KMT5A: variants seen among roughly 807,000 people sequenced by gnomAD.
The protein encoded by KMT5A is N-lysine methyltransferase KMT5A.
A neutral mutation model predicts 40.6 loss-of-function variants in KMT5A; 6 were observed. The observed-to-expected ratio is 0.15, with a 90% confidence interval of 0.08 to 0.29. KMT5A has a LOEUF of 0.29. KMT5A is among the 10% of genes least tolerant of loss of function. The probability of loss-of-function intolerance (pLI) is 1.00; values close to 1 mark genes in which losing one functional copy is unlikely to be tolerated. For synonymous variants in KMT5A, 153 were observed against 178.8 expected (o/e 0.86, Z 1.15); for missense variants, 308 against 459.1 (o/e 0.67, Z 3.01).
chr12:123,390,351 T>C (rs754368608), intron 2 of KMT5A, among the ~76,000 whole-genome samples: 3 of 152,176 alleles, frequency 2.0e-5, no homozygotes, highest in South Asian at 2.1e-4. Context: ...GGGTAGGCTG[T>C]CTTCTTCCTA....
At chr12:123,392,873 A>C (rs187855947) in intron 3 of KMT5A, among the ~76,000 whole-genome samples, 1 of 152,026 alleles carries the variant, frequency 6.6e-6, no homozygotes, top group African/African-American at 2.4e-5. Flanking sequence ...GATGGTTTTA[A>C]TGGTTTTTGT....
At chr12:123,397,318 C>T (rs916187797) in intron 5 of KMT5A, among the ~76,000 whole-genome samples, 9 of 152,254 alleles carry the variant, frequency 5.9e-5, no homozygotes, top group African/African-American at 2.2e-4. Flanking sequence ...GGCTGCCCCT[C>T]TGCTCTCCCT....
intron 7 of KMT5A, 49 bp downstream of exon 7, chr12:123,405,123 G>A (rs770321610): frequency 5.3e-6 from 8 of 1,523,088 alleles, no homozygotes; most frequent in South Asian, 1.2e-5. Flanking sequence ...TGGGCAGTGA[G>A]GAGAGGCCAA....
intron 7 of KMT5A, among the ~76,000 whole-genome samples, chr12:123,407,134 T>C (rs967340878): frequency 6.6e-6 from 1 of 151,652 alleles, no homozygotes; most frequent in African/African-American, 2.4e-5. Flanking sequence ...GCCCAGGGGT[T>C]GGAGACCAGC....
rs139519304 is a variant in KMT5A, at chr12:123,409,140, C to T, written c.*1437C>T. ...CCCAACCCCACCTCGGGCCTCACGA[C>T]GGTGCTACCTAAGAAAGTCTTCCCT... On this transcript the variant is annotated 3_prime_UTR_variant, in exon 8 of 8. Transcript: ENST00000402868. 8 of 152,532 alleles carry T rather than the reference C, an allele frequency of 5.2e-5. No individual in the cohort carries two copies. The highest frequency in any genetic ancestry group is 9.6e-5 in the African/African-American group (4 of 41,494). The allele number at this position is 152,532 out of a possible 1,614,324, so 9.4% of individuals were successfully genotyped here.
chr12:123,389,312 G>A (rs1877090732), intron 1 of KMT5A, 121 bp from the exon 2 acceptor site: 1 of 592,334 alleles, frequency 1.7e-6, no homozygotes, highest in Non-Finnish European at 2.1e-6. Flanking sequence ...CAGAGCCGGG[G>A]CCTCGAAATA....
intron 3 of KMT5A, among the ~76,000 whole-genome samples, chr12:123,392,762 G>A (rs1016501484): frequency 6.6e-6 from 1 of 152,190 alleles, no homozygotes; most frequent in African/African-American, 2.4e-5. Context: ...CTGAGTGATA[G>A]ATAATGTTCA....
chr12:123,387,132 C>T (rs1166087117), intron 1 of KMT5A, among the ~76,000 whole-genome samples: 1 of 152,230 alleles, frequency 6.6e-6, no homozygotes, highest in African/African-American at 2.4e-5. Context: ...GCTGGGATTA[C>T]AGGTGTGAGC....
In KMT5A at chr12:123,384,325, C is replaced by T. The variant is rs1487498563; in HGVS notation, c.10+117C>T. ...TCCTCCTCGGGTGGCTCGGGGCAAG[C>T]TTGGGGACCCGCGTGGGGGGAGAGG... is the stretch of plus-strand genomic sequence containing the variant. On this transcript the variant is annotated intron_variant, in intron 1 of 7. Coordinates refer to ENST00000402868, the MANE Select transcript of KMT5A (RefSeq NM_020382.7). This position sits in a 1 kb window ranked among gnomAD's most constrained non-coding sequence, Gnocchi z 5.7. The T allele has an allele frequency of 1.4e-6, 2 of 1,411,830 alleles. No homozygotes were observed. The highest frequency in any genetic ancestry group is 1.9e-6 in the Non-Finnish European group (2 of 1,033,302). 87.5% of individuals were successfully genotyped at this position (1,411,830 alleles called of 1,614,324 possible).
At chr12:123,396,837 T>G (rs1015804361) in intron 5 of KMT5A, among the ~76,000 whole-genome samples, 1 of 152,182 alleles carries the variant, frequency 6.6e-6, no homozygotes, top group African/African-American at 2.4e-5. Context: ...GCCCAGGGTG[T>G]TAAACAGCAG....
chr12:123,386,537 C>G (rs1311918444), intron 1 of KMT5A, among the ~76,000 whole-genome samples: 1 of 152,022 alleles, frequency 6.6e-6, no homozygotes, highest in Non-Finnish European at 1.5e-5. Context: ...TTGTAAATAC[C>G]AAATCATTTA....
intron 3 of KMT5A, among the ~76,000 whole-genome samples, chr12:123,391,935 G>A (rs1877347468): frequency 6.6e-6 from 1 of 152,178 alleles, no homozygotes. Flanking sequence ...GGTACACAGG[G>A]CAATATTGTT....
chr12:123,389,653 G>T, intron 2 of KMT5A, 99 bp downstream of exon 2: 1 of 911,286 alleles, frequency 1.1e-6, no homozygotes, highest in Non-Finnish European at 1.3e-6. Context: ...CGCCCGGCCG[G>T]GCCGCTTCCT....
At chr12:123,388,867 C>A (rs1467658198) in intron 1 of KMT5A, 6 of 148,516 alleles carry the variant, frequency 4.0e-5, no homozygotes, top group Non-Finnish European at 7.5e-5. Flanking sequence ...TCGCCGCGCC[C>A]GCCCGCCCGC....
At position 123,395,136 on chromosome 12, in the gene KMT5A, T is replaced by A. The variant is rs2139176960; in HGVS notation, c.379T>A (p.Phe127Ile). 1.2e-6 allele frequency: 2 copies of A among 1,608,914 alleles called. No homozygotes were observed. Among genetic ancestry groups the A allele is most frequent in the Non-Finnish European group, 8.5e-7 (1 of 1,177,526 alleles). ...KDARKGPLVPFPNQKSEAAEP... is the reference protein window; with the variant it reads ...KDARKGPLVPIPNQKSEAAEP... The stretch of plus-strand genomic sequence containing the variant: ...CGCCAGGAAAGGTCCCCTGGTACCT[T>A]TTCCAAACCAAAAATCTGAAGCAGC... The change falls in exon 4 of 8, where the codon TTT becomes ATT. Residue 127 changes from phenylalanine to isoleucine, a missense_variant. Physicochemically the swap from Phe to Ile is conservative, Grantham distance 21. Transcript: ENST00000402868.
At chr12:123,385,998 C>G (rs1876851981) in intron 1 of KMT5A, among the ~76,000 whole-genome samples, 1 of 152,128 alleles carries the variant, frequency 6.6e-6, no homozygotes, top group Admixed American at 6.6e-5. Context: ...CAGACTCTAG[C>G]TTGGCTGGGT....
At chr12:123,406,793 G>A (rs28542644) in intron 7 of KMT5A, among the ~76,000 whole-genome samples, 3 of 152,030 alleles carry the variant, frequency 2.0e-5, no homozygotes, top group Admixed American at 6.6e-5. Context: ...TTGGGTGGCC[G>A]AGGTGGATGG....
At chr12:123,403,761 AT>A in intron 6 of KMT5A, 129 bp downstream of exon 6, 2 of 963,718 alleles carry the variant, frequency 2.1e-6, no homozygotes, top group Non-Finnish European at 3.2e-6. Context: ...GGCAGACTCT[AT>A]TAGGTTGTCA....
chr12:123,386,374 C>G (rs1876874734), intron 1 of KMT5A, among the ~76,000 whole-genome samples: 1 of 152,032 alleles, frequency 6.6e-6, no homozygotes, highest in Non-Finnish European at 1.5e-5. Context: ...TGTCACCACA[C>G]CCAGCTAATT....
Sources: gnomAD v4.1 joint callset for allele counts (sites outside exome capture counted in the v4.1 genomes callset) on GRCh38, gnomAD v4.1.1 for gene constraint, Gnocchi (gnomAD v3.1) non-coding constraint, MANE v1.5 for transcripts, NCBI Gene and HGNC (gene_info 2026-07-23, HGNC 2026-07-21) for gene names.